Variants in ACTR3C observed in about 807,000 individuals in gnomAD.
ACTR3C encodes the protein actin-related protein 3C.
In ACTR3C, 18 loss-of-function variants were observed where a neutral mutation model predicts 26.3. The ratio of observed to expected loss-of-function variants is 0.68; its 90% CI spans 0.47 to 1.01. ACTR3C has a LOEUF of 1.01. Ranked by LOEUF, ACTR3C falls within the 50% of genes least tolerant of loss-of-function variation. The pLI is 0.00. For synonymous variants in ACTR3C, 55 were observed against 94.5 expected (o/e 0.58, Z 2.42); for missense variants, 184 against 250.7 (o/e 0.73, Z 1.80).
the ACTR3C span, among the ~76,000 whole-genome samples, chr7:150,175,271 G>A: frequency 2.0e-5 from 3 of 148,254 alleles, 1 homozygote; most frequent in African/African-American, 5.3e-5. Context: ...TCTTTGTGGA[G>A]AGCACGTGGG....
the ACTR3C span, among the ~76,000 whole-genome samples, chr7:150,219,023 A>G: frequency 6.6e-6 from 1 of 152,194 alleles, no homozygotes; most frequent in African/African-American, 2.4e-5. Flanking sequence ...TCATGATCTG[A>G]TAGAAGAAAA....
chr7:150,082,749 T>C, the ACTR3C span, among the ~76,000 whole-genome samples: 1 of 151,540 alleles, frequency 6.6e-6, no homozygotes, highest in South Asian at 2.1e-4. Context: ...AACCTTTATG[T>C]GATGCTTTAT....
At chr7:150,143,518 C>T in the ACTR3C span, among the ~76,000 whole-genome samples, 2 of 152,290 alleles carry the variant, frequency 1.3e-5, no homozygotes, top group South Asian at 4.1e-4. Flanking sequence ...AGTCATGTAA[C>T]AGCTACGACA....
chr7:150,078,654 T>G, the ACTR3C span, among the ~76,000 whole-genome samples: 1 of 151,996 alleles, frequency 6.6e-6, no homozygotes, highest in African/African-American at 2.4e-5. Context: ...ACAGCTGAGA[T>G]AGCGAATTCT....
the ACTR3C span, among the ~76,000 whole-genome samples, chr7:149,999,990 A>G: frequency 6.7e-6 from 1 of 149,752 alleles, no homozygotes; most frequent in African/African-American, 2.4e-5. Context: ...GAAAGAATAA[A>G]CTAGAAATCA....
chr7:150,183,547 G>T, the ACTR3C span, among the ~76,000 whole-genome samples: 48 of 149,660 alleles, frequency 3.2e-4, 4 homozygotes, highest in African/African-American at 1.2e-3. Flanking sequence ...ATAACTGTAT[G>T]AATTACTCTC....
chr7:149,923,661 A>C, the ACTR3C span, among the ~76,000 whole-genome samples: 1 of 152,204 alleles, frequency 6.6e-6, no homozygotes, highest in Non-Finnish European at 1.5e-5. Context: ...AGGAGGCCTT[A>C]GTATGCCATT....
At chr7:149,893,112 A>C in the ACTR3C span, among the ~76,000 whole-genome samples, 1 of 152,216 alleles carries the variant, frequency 6.6e-6, no homozygotes, top group East Asian at 1.9e-4. Context: ...AGGGCATCAC[A>C]AAGATTCCAT....
the ACTR3C span, among the ~76,000 whole-genome samples, chr7:150,043,584 T>G: frequency 3.9e-5 from 6 of 152,228 alleles, no homozygotes; most frequent in Non-Finnish European, 7.3e-5. Flanking sequence ...GCTCCCACTT[T>G]GTAGGCGCCA....
At chr7:150,284,965 A>G (rs1405968382) in intron 5 of ACTR3C, 120 bp from the exon 6 acceptor site, 12 of 969,398 alleles carry the variant, frequency 1.2e-5, no homozygotes, top group African/African-American at 5.1e-5. Flanking sequence ...AAGAATTCAC[A>G]TTGGAATGAA....
the ACTR3C span, among the ~76,000 whole-genome samples, chr7:150,233,152 G>A: frequency 2.6e-5 from 4 of 151,918 alleles, no homozygotes; most frequent in Non-Finnish European, 5.9e-5. Flanking sequence ...GGGAAGGTCT[G>A]ATGGTGATTA....
chr7:150,035,293 T>TC, the ACTR3C span, among the ~76,000 whole-genome samples: 46 of 40,048 alleles, frequency 1.1e-3, 14 homozygotes, highest in South Asian at 0.03. Context: ...GGAGAGTGCC[T>TC]CCCCCCCCTT....
chr7:150,200,890 C>T, the ACTR3C span, among the ~76,000 whole-genome samples: 1 of 152,186 alleles, frequency 6.6e-6, no homozygotes, highest in African/African-American at 2.4e-5. Flanking sequence ...TTTTTCTTTC[C>T]TAATTACCAT....
At chr7:150,136,831 T>C in the ACTR3C span, among the ~76,000 whole-genome samples, 21 of 152,172 alleles carry the variant, frequency 1.4e-4, no homozygotes, top group South Asian at 2.1e-4. Context: ...TCGTGCACTG[T>C]GCATGCTTTA....
At chr7:150,058,870 A>T in the ACTR3C span, among the ~76,000 whole-genome samples, 5 of 152,276 alleles carry the variant, frequency 3.3e-5, no homozygotes, top group Non-Finnish European at 7.4e-5. Flanking sequence ...AGCCAGGATT[A>T]CACCACTCAC....
At chr7:150,181,947 G>A in the ACTR3C span, among the ~76,000 whole-genome samples, 1 of 150,542 alleles carries the variant, frequency 6.6e-6, no homozygotes, top group African/African-American at 2.5e-5. Context: ...TGCACTCATG[G>A]AGCTTACAGT....
the ACTR3C span, among the ~76,000 whole-genome samples, chr7:150,229,503 G>A: frequency 1.3e-5 from 2 of 150,908 alleles, no homozygotes; most frequent in East Asian, 3.9e-4. Flanking sequence ...TTTTATTTTT[G>A]AGATTGAGTT....
the ACTR3C span, among the ~76,000 whole-genome samples, chr7:149,940,944 G>A: frequency 9.9e-5 from 15 of 151,986 alleles, no homozygotes; most frequent in South Asian, 3.1e-3. Flanking sequence ...GGAAGGCACT[G>A]CCAGGCCTGG....
At chr7:150,128,250 A>C in the ACTR3C span, among the ~76,000 whole-genome samples, 1 of 152,156 alleles carries the variant, frequency 6.6e-6, no homozygotes, top group Non-Finnish European at 1.5e-5. Flanking sequence ...CCTTAGAAGA[A>C]TTGCAGCTTG....
Sources: gnomAD v4.1 joint callset for allele counts (sites outside exome capture counted in the v4.1 genomes callset) on GRCh38, gnomAD v4.1.1 for gene constraint, MANE v1.5 for transcripts, NCBI Gene and HGNC (gene_info 2026-07-23, HGNC 2026-07-21) for gene names.